The following GATB variants were observed in gnomAD, a reference collection of about 807,000 sequenced individuals.
The protein encoded by GATB is glutamyl-tRNA amidotransferase subunit B, also known as glutamyl-tRNA(Gln) amidotransferase subunit B, mitochondrial.
A neutral mutation model predicts 62.3 loss-of-function variants in GATB; 39 were observed. That is an observed-to-expected ratio of 0.63 (90% CI 0.48 to 0.82). The LOEUF is 0.82. GATB is among the 40% of genes least tolerant of loss of function. The pLI is 0.00. For synonymous variants in GATB, 276 were observed against 258.9 expected, an observed-to-expected ratio of 1.07 and a Z score of -0.63; for missense variants, 670 against 684.0, an observed-to-expected ratio of 0.98 and a Z score of 0.23.
chr4:151,715,203 A>G (rs1738890428), intron 5 of GATB, among the ~76,000 whole-genome samples: 2 of 152,240 alleles, frequency 1.3e-5, no homozygotes, highest in Admixed American at 6.5e-5. Context: ...GAAAAGTACA[A>G]TTGTAGATTC....
chr4:151,699,387 CAAAAA>C (rs35279340), intron 9 of GATB, among the ~76,000 whole-genome samples: 1 of 80,096 alleles, frequency 1.2e-5, no homozygotes. Flanking sequence ...GACCCTGTCT[CAAAAA>C]AAAAAAAAAA....
At chr4:151,715,825 A>T (rs909941935) in intron 5 of GATB, among the ~76,000 whole-genome samples, 184 bp downstream of exon 5, 35 of 152,188 alleles carry the variant, frequency 2.3e-4, no homozygotes, top group African/African-American at 8.4e-4. Context: ...AAAGAATCCA[A>T]GGAAAATTCT....
chr4:151,704,296 C>A (rs896032926), intron 7 of GATB, among the ~76,000 whole-genome samples: 1 of 152,132 alleles, frequency 6.6e-6, no homozygotes, highest in African/African-American at 2.4e-5. Flanking sequence ...TGGGAAAGAT[C>A]TGATAGATTA....
chr4:151,743,682 A>G (rs1739541656), intron 2 of GATB, among the ~76,000 whole-genome samples: 2 of 152,226 alleles, frequency 1.3e-5, no homozygotes, highest in Non-Finnish European at 2.9e-5. Context: ...GTAAGTCCCA[A>G]CAGCAGTTCT....
intron 2 of GATB, among the ~76,000 whole-genome samples, chr4:151,741,264 T>C (rs1739479764): frequency 6.6e-6 from 1 of 152,230 alleles, no homozygotes; most frequent in South Asian, 2.1e-4. Flanking sequence ...TCAAAATATC[T>C]TATTCTCCTG....
At chr4:151,748,116 C>A (rs886621614) in intron 2 of GATB, among the ~76,000 whole-genome samples, 9 of 152,168 alleles carry the variant, frequency 5.9e-5, no homozygotes, top group African/African-American at 2.2e-4. Flanking sequence ...TCAATGCCAT[C>A]CCCATCAAGC....
intron 2 of GATB, among the ~76,000 whole-genome samples, chr4:151,727,110 G>A (rs556347636): frequency 1.3e-5 from 2 of 152,226 alleles, no homozygotes; most frequent in East Asian, 1.9e-4. Flanking sequence ...TTGAAGAGAC[G>A]AGGTCTTGCT....
chr4:151,671,639 A>C lies in GATB; in HGVS notation c.1546-337T>G, dbSNP rs533369716. ...AGTCTGGGGAGGGATAATCTCTCTG[A>C]GATGATGAATCACTGCGTCTAATCA... is the stretch of plus-strand genomic sequence containing the variant. On this transcript the variant is annotated intron_variant, in intron 12 of 12. Coordinates refer to ENST00000263985, the MANE Select transcript of GATB (RefSeq NM_004564.3). Among the ~76,000 whole-genome samples, 4 of 152,254 alleles carry C rather than the reference A, an allele frequency of 2.6e-5. No homozygotes were observed. In the East Asian group the frequency reaches 7.7e-4, roughly 29 times the overall value.
chr4:151,706,211 TG>T (rs1200834206), intron 6 of GATB, among the ~76,000 whole-genome samples: 21 of 152,190 alleles, frequency 1.4e-4, no homozygotes, highest in Non-Finnish European at 3.1e-4. Context: ...ATCACAGGCT[TG>T]GAGAATTGAA....
chr4:151,671,135 G>A lies in GATB; in HGVS notation c.*39C>T, dbSNP rs2126949012. On this transcript the variant is annotated 3_prime_UTR_variant, in exon 13 of 13. Transcript: ENST00000263985. ...ATCCTGTTCCCAGTCAGGCTGCACT[G>A]TTTGTTGTTGTCCCTTGGGCAAGGG... 2 of 1,613,126 alleles carry A rather than the reference G, an allele frequency of 1.2e-6. No individual in the cohort carries two copies. Among genetic ancestry groups the A allele is most frequent in the East Asian group, 2.2e-5 (1 of 44,872 alleles).
chr4:151,677,331 T>TA (rs1288042103), intron 11 of GATB: 1 of 152,220 alleles, frequency 6.6e-6, no homozygotes, highest in African/African-American at 2.4e-5. Flanking sequence ...TCCTCCCTGA[T>TA]ACGACTTCAC....
intron 5 of GATB, among the ~76,000 whole-genome samples, chr4:151,713,875 G>T (rs1738865249): frequency 6.6e-6 from 1 of 152,138 alleles, no homozygotes; most frequent in African/African-American, 2.4e-5. Context: ...GTAAGCCTTA[G>T]GCAAATAACT....
intron 9 of GATB, among the ~76,000 whole-genome samples, chr4:151,693,804 C>T (rs766073655): frequency 1.3e-5 from 2 of 152,210 alleles, no homozygotes; most frequent in Non-Finnish European, 2.9e-5. Flanking sequence ...TTGAGTTCAA[C>T]TCAGGCACCA....
At chr4:151,708,202 C>T (rs1738752684) in intron 5 of GATB, 101 bp from the exon 6 acceptor site, 6 of 761,968 alleles carry the variant, frequency 7.9e-6, no homozygotes, top group South Asian at 3.3e-5. Flanking sequence ...ACTCTACCTG[C>T]TGTTTAGTTA....
intron 5 of GATB, among the ~76,000 whole-genome samples, chr4:151,712,451 T>TA (rs1278027244): frequency 1.3e-5 from 2 of 151,916 alleles, no homozygotes; most frequent in Non-Finnish European, 2.9e-5. Context: ...ACAGCAAAAC[T>TA]AAAAAAAACT....
At chr4:151,752,955 C>T (rs529046908) in intron 2 of GATB, among the ~76,000 whole-genome samples, 6 of 152,152 alleles carry the variant, frequency 3.9e-5, no homozygotes, top group African/African-American at 7.2e-5. Flanking sequence ...AATTGAGAGA[C>T]ATCCCACCAT....
chr4:151,741,450 G>T (rs1739483238), intron 2 of GATB, among the ~76,000 whole-genome samples: 1 of 152,154 alleles, frequency 6.6e-6, no homozygotes, highest in South Asian at 2.1e-4. Flanking sequence ...TCATCCATGT[G>T]CATATTTTTG....
At position 151,758,754 on chromosome 4, in the gene GATB, A is replaced by G; in HGVS notation, c.327+18T>C. Reference sequence around the variant, plus strand: ...TAAACATTTTTCTAATGAAAATAGGATTAAATAAGAATCTTACCGGCAAAG... The same window carrying G: ...TAAACATTTTTCTAATGAAAATAGGGTTAAATAAGAATCTTACCGGCAAAG... On this transcript the variant is annotated intron_variant, in intron 2 of 12. Transcript: ENST00000263985. 6.6e-7 allele frequency: 1 copy of G among 1,524,210 alleles called. No individual in the cohort carries two copies. The highest frequency in any genetic ancestry group is 8.8e-7 in the Non-Finnish European group (1 of 1,133,254). The allele number at this position is 1,524,210 out of a possible 1,614,324, so 94.4% of individuals were successfully genotyped here. A position where few individuals can be genotyped will look rare whatever the true frequency, so the allele number is the denominator to read the frequency against.
chr4:151,760,234 G>A (rs953479047), intron 1 of GATB, among the ~76,000 whole-genome samples: 1 of 152,122 alleles, frequency 6.6e-6, no homozygotes, highest in Admixed American at 6.5e-5. Context: ...CTGTTCAGGG[G>A]ATATCTGGCC....
Sources: gnomAD v4.1 joint callset for allele counts (sites outside exome capture counted in the v4.1 genomes callset) on GRCh38, gnomAD v4.1.1 for gene constraint, MANE v1.5 for transcripts, NCBI Gene and HGNC (gene_info 2026-07-23, HGNC 2026-07-21) for gene names.